Variants in GALNTL6 observed in about 807,000 individuals in gnomAD.
The protein encoded by GALNTL6 is polypeptide N-acetylgalactosaminyltransferase like 6, also known as polypeptide N-acetylgalactosaminyltransferase-like 6.
A neutral mutation model predicts 73.7 loss-of-function variants in GALNTL6; 46 were observed. The observed-to-expected ratio is 0.62, with a 90% CI of 0.49 to 0.80. GALNTL6 has a LOEUF of 0.80. Among genes scored for constraint, GALNTL6 ranks in the 30% least tolerant of loss-of-function variants. The pLI is 0.00. For missense variants in GALNTL6, 604 were observed against 755.0 expected (o/e 0.80, Z 2.34); for synonymous variants, 259 against 263.7 (o/e 0.98, Z 0.17).
intron 2 of GALNTL6, among the ~76,000 whole-genome samples, chr4:171,993,826 T>G (rs995411406): frequency 1.3e-5 from 2 of 151,606 alleles, no homozygotes; most frequent in African/African-American, 4.8e-5. Flanking sequence ...ATATATGTAA[T>G]GTAAAGACAT....
intron 5 of GALNTL6, among the ~76,000 whole-genome samples, chr4:172,642,340 A>G (rs1464417727): frequency 6.6e-6 from 1 of 152,052 alleles, no homozygotes; most frequent in Non-Finnish European, 1.5e-5. Flanking sequence ...TGTCTATCAA[A>G]AAATAAATGG....
intron 2 of GALNTL6, among the ~76,000 whole-genome samples, chr4:171,844,284 CT>C (rs1283429860): frequency 6.6e-6 from 1 of 152,034 alleles, no homozygotes; most frequent in Non-Finnish European, 1.5e-5. Flanking sequence ...TTACCTTCAT[CT>C]TCATCCTATG....
At chr4:172,816,695 A>C (rs996880870) in intron 7 of GALNTL6, among the ~76,000 whole-genome samples, 1 of 152,218 alleles carries the variant, frequency 6.6e-6, no homozygotes, top group Non-Finnish European at 1.5e-5. Context: ...ATATTTACTG[A>C]TATTTACAAA....
intron 7 of GALNTL6, among the ~76,000 whole-genome samples, chr4:172,835,517 G>C (rs1742866178): frequency 6.6e-6 from 1 of 152,188 alleles, no homozygotes; most frequent in Admixed American, 6.5e-5. Context: ...TCCACACACG[G>C]TATGCTTAAA....
intron 5 of GALNTL6, among the ~76,000 whole-genome samples, chr4:172,481,077 A>C (rs1733445174): frequency 6.6e-6 from 1 of 152,162 alleles, no homozygotes; most frequent in South Asian, 2.1e-4. Context: ...CAGTTCTTAA[A>C]GGTGGTGTGT....
intron 10 of GALNTL6, among the ~76,000 whole-genome samples, chr4:172,983,113 C>T (rs549676950): frequency 2.6e-5 from 4 of 152,266 alleles, no homozygotes; most frequent in Admixed American, 1.3e-4. Context: ...CAAAATTGCA[C>T]ATGCACTCCA....
intron 5 of GALNTL6, among the ~76,000 whole-genome samples, chr4:172,360,264 T>A (rs981762256): frequency 2.0e-5 from 3 of 152,172 alleles, no homozygotes; most frequent in African/African-American, 7.2e-5. Flanking sequence ...AGCTGTACGA[T>A]CATAAATGAT....
At chr4:172,925,925 A>G (rs1388305329) in intron 8 of GALNTL6, among the ~76,000 whole-genome samples, 3 of 152,234 alleles carry the variant, frequency 2.0e-5, no homozygotes, top group East Asian at 1.9e-4. Flanking sequence ...TGACCCTCTG[A>G]GAATAATTAG....
At chr4:172,284,649 G>T (rs573323888) in intron 3 of GALNTL6, among the ~76,000 whole-genome samples, 2 of 152,178 alleles carry the variant, frequency 1.3e-5, no homozygotes, top group African/African-American at 4.8e-5. Flanking sequence ...CATCCATTTT[G>T]TGTTGATTTT....
Position 172,333,617 on chromosome 4 carries a change from GT to G in GALNTL6, c.387-14902del, listed in dbSNP as rs201704220. Among the ~76,000 whole-genome samples the G allele has an allele frequency of 7.8e-4, 119 of 151,860 alleles. 2 individuals carry two copies. In the South Asian group the frequency reaches 0.016, roughly 20 times the overall value. On this transcript the variant is annotated intron_variant, in intron 4 of 12. Coordinates refer to ENST00000506823, the MANE Select transcript of GALNTL6 (RefSeq NM_001034845.3). ...TTAACAGCCTCTTTTTCTGTTAATTGTTTTCATTTAACAGCCTCTTTTTCTG... is the reference window on the plus strand; with the variant it reads ...TTAACAGCCTCTTTTTCTGTTAATTGTTTCATTTAACAGCCTCTTTTTCTG...
At chr4:172,596,708 G>C (rs1197873765) in intron 5 of GALNTL6, among the ~76,000 whole-genome samples, 1 of 152,040 alleles carries the variant, frequency 6.6e-6, no homozygotes, top group Non-Finnish European at 1.5e-5. Context: ...TTTTAAAATT[G>C]CAATAGTTTA....
chr4:171,926,277 G>A (rs1398118950), intron 2 of GALNTL6, among the ~76,000 whole-genome samples: 1 of 151,972 alleles, frequency 6.6e-6, no homozygotes, highest in African/African-American at 2.4e-5. Context: ...ATGATGATGT[G>A]CTTGTTATTT....
chr4:172,559,227 G>C (rs1286489184), intron 5 of GALNTL6, among the ~76,000 whole-genome samples: 1 of 151,628 alleles, frequency 6.6e-6, no homozygotes, highest in African/African-American at 2.4e-5. Flanking sequence ...ACCACGCCCA[G>C]CTAATTTTTT....
At chr4:172,446,110 A>G (rs1732010305) in intron 5 of GALNTL6, among the ~76,000 whole-genome samples, 1 of 152,184 alleles carries the variant, frequency 6.6e-6, no homozygotes, top group Non-Finnish European at 1.5e-5. Context: ...CTGAATTCTA[A>G]TGTACCAAAA....
chr4:172,470,554 T>A (rs1733007504), intron 5 of GALNTL6, among the ~76,000 whole-genome samples: 1 of 152,092 alleles, frequency 6.6e-6, no homozygotes, highest in African/African-American at 2.4e-5. Context: ...GTAAGCACAG[T>A]CTATAAGAAG....
At chr4:171,888,482 G>A (rs1001268390) in intron 2 of GALNTL6, among the ~76,000 whole-genome samples, 1 of 151,960 alleles carries the variant, frequency 6.6e-6, no homozygotes, top group Admixed American at 6.6e-5. Flanking sequence ...GAGAGGAAGA[G>A]AAGGACTCCT....
intron 5 of GALNTL6, among the ~76,000 whole-genome samples, chr4:172,725,255 G>GC (rs1735727481): frequency 6.6e-6 from 1 of 152,094 alleles, no homozygotes; most frequent in East Asian, 1.9e-4. Context: ...ATTAATAAAA[G>GC]CAACTTCCAA....
intron 5 of GALNTL6, among the ~76,000 whole-genome samples, chr4:172,626,807 T>G (rs943030368): frequency 6.6e-6 from 1 of 152,134 alleles, no homozygotes; most frequent in Non-Finnish European, 1.5e-5. Context: ...ACATTATTGT[T>G]GCATAGAAAT....
intron 7 of GALNTL6, among the ~76,000 whole-genome samples, chr4:172,872,884 T>C (rs536552844): frequency 6.6e-6 from 1 of 152,304 alleles, no homozygotes; most frequent in South Asian, 2.1e-4. Context: ...ATTCATCCTA[T>C]TTATCTTTGT....
Sources: allele counts gnomAD v4.1 joint callset (sites outside exome capture counted in the v4.1 genomes callset), GRCh38; gene constraint gnomAD v4.1.1; transcripts MANE v1.5; gene names NCBI Gene and HGNC (gene_info 2026-07-23, HGNC 2026-07-21).